EPG5: variants seen among roughly 807,000 people sequenced by gnomAD.
EPG5 encodes the protein ectopic P-granules 5 autophagy tethering factor.
Under a neutral mutation model 302.7 loss-of-function variants are expected in EPG5, and 159 were observed. The observed-to-expected ratio is 0.53, with a 90% CI of 0.46 to 0.60. The LOEUF (loss-of-function observed/expected upper bound fraction) is 0.60, where lower values mean the gene tolerates loss of function less well. Ranked by LOEUF, EPG5 falls within the 20% of genes least tolerant of loss-of-function variation. The probability of loss-of-function intolerance (pLI) is 0.00; values close to 1 mark genes in which losing one functional copy is unlikely to be tolerated. For synonymous variants in EPG5, 1,158 were observed against 1,136.8 expected, an observed-to-expected ratio of 1.02 and a Z score of -0.37; for missense variants, 2,896 against 3,092.4, an observed-to-expected ratio of 0.94 and a Z score of 1.51.
rs1379880801 is a variant in EPG5, at chr18:45,910,645, C to G, written c.4081G>C (p.Asp1361His). ...GCCTTGCTTGCAGCATGGTGGAAGT[C>G]AGCCACCTCGGTCAAACGTCTCTTC... ...EMKRRLTEVA[D>H]FHHAASKALR... Residue 1361 changes from aspartate (D) to histidine (H), a missense_variant, in exon 23 of 44, where the codon GAC becomes CAC. Transcript: ENST00000282041. 1 of 1,614,182 alleles carries G rather than the reference C, an allele frequency of 6.2e-7. No individual in the cohort carries two copies.
intron 1 of EPG5, among the ~76,000 whole-genome samples, chr18:45,960,467 G>C (rs2051125455): frequency 6.6e-6 from 1 of 151,980 alleles, no homozygotes; most frequent in Non-Finnish European, 1.5e-5. Context: ...AAAAATGCCA[G>C]GCATATTAAG....
chr18:45,813,659 A>C, the EPG5 span, among the ~76,000 whole-genome samples: 1 of 151,956 alleles, frequency 6.6e-6, no homozygotes, highest in Non-Finnish European at 1.5e-5. Flanking sequence ...GCAAACTCTC[A>C]CAAGGACAAA....
intron 27 of EPG5, among the ~76,000 whole-genome samples, chr18:45,892,136 T>C (rs1031623248): frequency 6.6e-6 from 1 of 152,224 alleles, no homozygotes; most frequent in African/African-American, 2.4e-5. Flanking sequence ...ATCCAAACTT[T>C]ACAACTGCCA....
chr18:45,900,661 G>A (rs980588861), intron 26 of EPG5, among the ~76,000 whole-genome samples: 2 of 152,132 alleles, frequency 1.3e-5, no homozygotes, highest in African/African-American at 4.8e-5. Flanking sequence ...AGAAAAGAAA[G>A]GAACTCTTAC....
the EPG5 span, chr18:45,837,522 C>T: frequency 2.0e-6 from 3 of 1,510,738 alleles, no homozygotes; most frequent in South Asian, 1.2e-5. Context: ...GGCTCGCCAG[C>T]GCAGCGCTGG....
rs149394392 is a variant in EPG5 at position 45,898,277 on chromosome 18, G to A, written c.4809+1127C>T. Among the ~76,000 whole-genome samples, 25 of 152,272 alleles carry A rather than the reference G, an allele frequency of 1.6e-4. No individual in the cohort carries two copies. In the East Asian group the frequency reaches 4.2e-3, roughly 26 times the overall value. On this transcript the variant is annotated intron_variant, in intron 27 of 43. Transcript: ENST00000282041. ...GGGCCTTTCTGGCTGTGCCACTTACGGGCTGTGGCACTTCAGGTGAGCAAC... is the reference window on the plus strand; with the variant it reads ...GGGCCTTTCTGGCTGTGCCACTTACAGGCTGTGGCACTTCAGGTGAGCAAC...
chr18:45,878,938 T>A lies in EPG5; in HGVS notation c.5869+75A>T, dbSNP rs1037929348. On this transcript the variant is annotated intron_variant, in intron 33 of 43. Transcript: ENST00000282041. ...CTCCTTGACACTCAATATAAATCTC[T>A]TAATGTGCCTATTTAAATCTCTCTT... 7 of 1,181,404 alleles carry A rather than the reference T, an allele frequency of 5.9e-6. No homozygotes were observed. The Admixed American group carries it at 7.3e-5, about 12-fold the overall frequency. The allele number at this position is 1,181,404 out of a possible 1,614,324, so 73.2% of individuals were successfully genotyped here. A position where few individuals can be genotyped will look rare whatever the true frequency, so the allele number is the denominator to read the frequency against.
chr18:45,898,630 C>G (rs552060072), intron 27 of EPG5, among the ~76,000 whole-genome samples: 17 of 152,310 alleles, frequency 1.1e-4, no homozygotes, highest in Admixed American at 6.5e-5. Flanking sequence ...TATATCCTTC[C>G]CACGTTCATC....
chr18:45,930,716 T>C lies in EPG5; in HGVS notation c.2372A>G (p.Asp791Gly), dbSNP rs765995776. 2.5e-6 allele frequency: 4 copies of C among 1,605,726 alleles called. No individual in the cohort carries two copies. Among genetic ancestry groups the C allele is most frequent in the Non-Finnish European group, 2.5e-6 (3 of 1,177,336 alleles). ...AACAATAATTTTTATGAAGTCTTCG[T>C]CCACATTGGTTCTTCTGGCCTGAGC... ...QMAQARRTNVDEDFIKIIVLE... is the reference protein window; with the variant it reads ...QMAQARRTNVGEDFIKIIVLE... Residue 791 changes from aspartate to glycine, a missense_variant, in exon 12 of 44, where the codon GAC becomes GGC. Asp to Gly is a moderately conservative substitution (Grantham distance 94). Around this residue, in one of 5 missense-constraint regions of EPG5, gnomAD observed 1,390 missense variants for 1,430.0 expected, o/e 0.97. Transcript: ENST00000282041.
At position 45,928,995 on chromosome 18, in the gene EPG5, G is replaced by A; in HGVS notation, c.2427C>T (p.Thr809=). 2 of 1,613,704 alleles carry A rather than the reference G, an allele frequency of 1.2e-6. No homozygotes were observed. The highest frequency in any genetic ancestry group is 1.7e-6 in the Non-Finnish European group (2 of 1,179,812). Residue 809 remains threonine (T), a synonymous_variant, in exon 13 of 44, where the codon ACC becomes ACT. Coordinates refer to ENST00000282041, the MANE Select transcript of EPG5 (RefSeq NM_020964.3). ...VLEIYEVSYV[T]LSTRETFSKV... is the part of the protein sequence containing the mutation. ...TTGAAAAAGTCTCTCTGGTAGACAA[G>A]GTGACATAAGATACCTAAATGGGGG...
chr18:45,945,921 A>G (rs1267369156), intron 7 of EPG5, among the ~76,000 whole-genome samples: 1 of 152,234 alleles, frequency 6.6e-6, no homozygotes, highest in Non-Finnish European at 1.5e-5. Context: ...CACGGCTGTC[A>G]TTCTGAGAAC....
At chr18:45,931,693 G>A (rs1037115641) in intron 11 of EPG5, among the ~76,000 whole-genome samples, 74 of 151,918 alleles carry the variant, frequency 4.9e-4, no homozygotes, top group Non-Finnish European at 3.8e-4. Flanking sequence ...AAATTAGCTG[G>A]GCGTGGTGGC....
the EPG5 span, chr18:45,842,596 C>T: frequency 6.5e-3 from 1,188 of 182,162 alleles, 20 homozygotes; most frequent in African/African-American, 0.026. Flanking sequence ...CCTCTGTCAC[C>T]GACTTGCTGT....
chr18:45,820,464 C>T, the EPG5 span, among the ~76,000 whole-genome samples: 2 of 152,164 alleles, frequency 1.3e-5, no homozygotes, highest in African/African-American at 4.8e-5. Flanking sequence ...TGGAGCATCA[C>T]CTTACCTGGC....
intron 39 of EPG5, among the ~76,000 whole-genome samples, chr18:45,862,527 G>C (rs1230883833): frequency 6.6e-6 from 1 of 152,180 alleles, no homozygotes; most frequent in East Asian, 1.9e-4. Context: ...CTTCATGAAT[G>C]GTTTAGCACC....
At chr18:45,812,866 C>T in the EPG5 span, among the ~76,000 whole-genome samples, 3 of 152,172 alleles carry the variant, frequency 2.0e-5, no homozygotes, top group Non-Finnish European at 4.4e-5. Context: ...TGGGCAAGGA[C>T]TTCATGTCTA....
intron 21 of EPG5, 119 bp downstream of exon 21, chr18:45,913,587 G>A (rs1308004152): frequency 2.4e-6 from 3 of 1,258,974 alleles, no homozygotes; most frequent in Non-Finnish European, 3.3e-6. Context: ...TTTGGTTGTT[G>A]AGCTTTCCAA....
At chr18:45,917,184 T>G (rs2145720947) in intron 17 of EPG5, among the ~76,000 whole-genome samples, 1 of 152,324 alleles carries the variant, frequency 6.6e-6, no homozygotes, top group East Asian at 1.9e-4. Context: ...GGGTGAGGCC[T>G]CACCTCCCCT....
chr18:45,921,867 T>C (rs2145754326), intron 16 of EPG5, among the ~76,000 whole-genome samples: 1 of 151,218 alleles, frequency 6.6e-6, no homozygotes, highest in Admixed American at 6.6e-5. Flanking sequence ...ATGTAAATGA[T>C]GAGTTAATGA....
Sources: gnomAD v4.1 joint callset for allele counts (sites outside exome capture counted in the v4.1 genomes callset) on GRCh38, gnomAD v4.1.1 for gene constraint, gnomAD v4.1.1 regional missense constraint, MANE v1.5 for transcripts, NCBI Gene and HGNC (gene_info 2026-07-23, HGNC 2026-07-21) for gene names.